The following PCNX1 variants were observed in gnomAD, a reference collection of about 807,000 sequenced individuals.
PCNX1 encodes pecanex-like protein 1.
PCNX1 carries 78 observed loss-of-function variants against 242.2 expected under a neutral mutation model. That is an observed-to-expected ratio of 0.32 (90% confidence interval 0.27 to 0.39). The LOEUF (loss-of-function observed/expected upper bound fraction) is 0.39, where lower values mean the gene tolerates loss of function less well. PCNX1 is among the 10% of genes least tolerant of loss of function. The pLI is 1.00. For missense variants in PCNX1, 2,581 were observed against 2,856.5 expected (o/e 0.90, Z 2.20); for synonymous variants, 1,024 against 1,032.9 (o/e 0.99, Z 0.17).
intron 7 of PCNX1, among the ~76,000 whole-genome samples, chr14:70,994,835 C>T (rs921408876): frequency 1.3e-5 from 2 of 151,270 alleles, no homozygotes; most frequent in African/African-American, 2.4e-5. Flanking sequence ...TTAATATAGT[C>T]TCTTAATTTG....
intron 26 of PCNX1, among the ~76,000 whole-genome samples, chr14:71,066,150 A>G (rs2141334913): frequency 6.6e-6 from 1 of 152,356 alleles, no homozygotes; most frequent in South Asian, 2.1e-4. Flanking sequence ...TTCTGTGAAG[A>G]AAGTCAGTGG....
intron 7 of PCNX1, among the ~76,000 whole-genome samples, chr14:70,993,112 T>A (rs1160084712): frequency 7.0e-6 from 1 of 143,514 alleles, no homozygotes; most frequent in East Asian, 2.1e-4. Context: ...TTAATAAAAA[T>A]TATCTAAATT....
At chr14:71,100,835 C>T (rs2062444073) in intron 30 of PCNX1, among the ~76,000 whole-genome samples, 1 of 151,998 alleles carries the variant, frequency 6.6e-6, no homozygotes, top group African/African-American at 2.4e-5. Context: ...TTCCAGAATA[C>T]CAGTCTTCGA....
chr14:71,103,050 TTC>T (rs1391770771), intron 31 of PCNX1, among the ~76,000 whole-genome samples: 1 of 152,228 alleles, frequency 6.6e-6, no homozygotes, highest in Non-Finnish European at 1.5e-5. Flanking sequence ...GTCATAAACA[TTC>T]TTTCAACCGT....
At position 70,988,824 on chromosome 14, in the gene PCNX1, C is replaced by T. The variant is rs900116507; in HGVS notation, c.2444+125C>T. ...TTTTCCTTTCTGTTTCTTTCCTATA[C>T]ATTTAAGCCCTTTTTGGCTTTTTCT... On this transcript the variant is annotated intron_variant, in intron 7 of 35. Coordinates refer to ENST00000304743, the MANE Select transcript of PCNX1 (RefSeq NM_014982.3). The T allele has an allele frequency of 2.5e-5, 29 of 1,166,392 alleles. No individual in the cohort carries two copies. In the African/African-American group the frequency reaches 4.1e-4, roughly 17 times the overall value. 72.3% of individuals were successfully genotyped at this position (1,166,392 alleles called of 1,614,324 possible). A position where few individuals can be genotyped will look rare whatever the true frequency, so the allele number is the denominator to read the frequency against.
At chr14:71,076,656 G>A (rs2061726814) in intron 28 of PCNX1, among the ~76,000 whole-genome samples, 1 of 152,144 alleles carries the variant, frequency 6.6e-6, no homozygotes, top group Non-Finnish European at 1.5e-5. Context: ...TGTCCAGGTA[G>A]CACCTCCTTC....
chr14:71,015,659 A>G (rs1270762650), intron 11 of PCNX1, among the ~76,000 whole-genome samples: 2 of 152,194 alleles, frequency 1.3e-5, no homozygotes, highest in Non-Finnish European at 2.9e-5. Context: ...ATTCTTACCA[A>G]AACCTACTGT....
intron 12 of PCNX1, 126 bp downstream of exon 12, chr14:71,019,288 T>C: frequency 1.3e-6 from 1 of 741,788 alleles, no homozygotes. Context: ...CATGTTTACA[T>C]AAGATTGTGT....
chr14:71,000,028 A>C (rs2059456863), intron 8 of PCNX1, among the ~76,000 whole-genome samples: 1 of 152,206 alleles, frequency 6.6e-6, no homozygotes, highest in Non-Finnish European at 1.5e-5. Context: ...ATCCTTTTGC[A>C]GCAACCTTGA....
At chr14:70,934,516 A>C (rs149026197) in intron 1 of PCNX1, among the ~76,000 whole-genome samples, 2,782 of 152,314 alleles carry the variant, frequency 0.018, 40 homozygotes, top group Middle Eastern at 0.085. Context: ...TCCTGGGCTC[A>C]ATTGATCCTC....
chr14:71,014,650 C>G (rs1352269603), intron 11 of PCNX1, among the ~76,000 whole-genome samples: 1 of 151,994 alleles, frequency 6.6e-6, no homozygotes, highest in Non-Finnish European at 1.5e-5. Context: ...ATTGAACTCA[C>G]TCGAAGGCAT....
intron 2 of PCNX1, among the ~76,000 whole-genome samples, chr14:70,951,760 G>A (rs1225391878): frequency 2.7e-5 from 4 of 149,424 alleles, no homozygotes; most frequent in East Asian, 3.8e-4. Flanking sequence ...AGAAAATTTC[G>A]TTAGAATTTT....
intron 28 of PCNX1, among the ~76,000 whole-genome samples, chr14:71,077,143 A>G (rs1342081864): frequency 1.3e-5 from 2 of 152,194 alleles, no homozygotes; most frequent in Non-Finnish European, 2.9e-5. Flanking sequence ...CAATCCACAC[A>G]TTAGGATAAC....
At chr14:70,972,265 AG>A (rs1475929694) in intron 5 of PCNX1, among the ~76,000 whole-genome samples, 2 of 131,132 alleles carry the variant, frequency 1.5e-5, no homozygotes, top group African/African-American at 2.9e-5. Flanking sequence ...GGGGAGAGCA[AG>A]GGGGGTAAGT....
chr14:71,033,161 A>G (rs2060437146), intron 16 of PCNX1, among the ~76,000 whole-genome samples: 1 of 152,216 alleles, frequency 6.6e-6, no homozygotes, highest in East Asian at 1.9e-4. Flanking sequence ...TCAAAAGCAA[A>G]TTATTCCTCA....
In PCNX1 at chr14:71,108,586, T is replaced by G; in HGVS notation, c.6302-18T>G. 1.3e-6 allele frequency: 2 copies of G among 1,580,432 alleles called. No individual in the cohort carries two copies. The highest frequency in any genetic ancestry group is 1.7e-6 in the Non-Finnish European group (2 of 1,157,448). ...GAGTCATTCTACTTTGAGTGAGTGC[T>G]GCTGTTTCTCCTCCTAGGCACTAGC... On this transcript the variant is annotated intron_variant, in intron 33 of 35. Transcript: ENST00000304743.
chr14:71,073,497 C>T, intron 26 of PCNX1, 48 bp from the exon 27 acceptor site: 39 of 1,525,214 alleles, frequency 2.6e-5, no homozygotes, highest in South Asian at 9.0e-5. Context: ...TTCATTTTTC[C>T]CACTTTCTGG....
At chr14:71,104,721 A>G (rs1158791653) in intron 32 of PCNX1, among the ~76,000 whole-genome samples, 1 of 152,142 alleles carries the variant, frequency 6.6e-6, no homozygotes, top group African/African-American at 2.4e-5. Context: ...TAAGGTCAAG[A>G]GATTGAGACC....
At chr14:71,059,569 T>C (rs1221131314) in intron 26 of PCNX1, among the ~76,000 whole-genome samples, 1 of 151,934 alleles carries the variant, frequency 6.6e-6, no homozygotes, top group African/African-American at 2.4e-5. Flanking sequence ...TAATTTTTAC[T>C]TTTGTATAGA....
Sources: gnomAD v4.1 joint callset for allele counts (sites outside exome capture counted in the v4.1 genomes callset) on GRCh38, gnomAD v4.1.1 for gene constraint, MANE v1.5 for transcripts, NCBI Gene and HGNC (gene_info 2026-07-23, HGNC 2026-07-21) for gene names.